Variants in CTNNA3 observed in about 807,000 individuals in gnomAD.
The protein encoded by CTNNA3 is catenin alpha 3.
Under a neutral mutation model 95.7 loss-of-function variants are expected in CTNNA3, and 76 were observed. The ratio of observed to expected loss-of-function variants is 0.79; its 90% CI spans 0.66 to 0.96. The LOEUF is 0.96. CTNNA3 is among the 40% of genes least tolerant of loss of function. The pLI, the probability that CTNNA3 is intolerant of heterozygous loss-of-function variation, is 0.00. For synonymous variants in CTNNA3, 431 were observed against 374.4 expected (o/e 1.15, Z -1.74); for missense variants, 1,191 against 1,089.8 (o/e 1.09, Z -1.31).
intron 7 of CTNNA3, among the ~76,000 whole-genome samples, chr10:66,945,482 A>C (rs1211358603): frequency 2.7e-4 from 41 of 152,158 alleles, no homozygotes; most frequent in Non-Finnish European, 5.9e-5. Flanking sequence ...TTTGACTTAA[A>C]GGGAATGTTG....
intron 7 of CTNNA3, among the ~76,000 whole-genome samples, chr10:66,902,687 C>T (rs539731927): frequency 9.9e-5 from 15 of 152,036 alleles, no homozygotes; most frequent in African/African-American, 2.7e-4. Flanking sequence ...CAATACAAAA[C>T]GATAAAATGG....
chr10:67,342,942 G>A (rs1029399479), intron 5 of CTNNA3, among the ~76,000 whole-genome samples: 11 of 151,468 alleles, frequency 7.3e-5, no homozygotes, highest in African/African-American at 2.4e-4. Flanking sequence ...TGGCTCTTTC[G>A]TGGTTCCACA....
chr10:66,871,058 T>A (rs564165278), intron 7 of CTNNA3, among the ~76,000 whole-genome samples: 2 of 152,238 alleles, frequency 1.3e-5, no homozygotes, highest in Non-Finnish European at 2.9e-5. Context: ...CTGGTTTGTT[T>A]TGCTCTGCTG....
intron 9 of CTNNA3, among the ~76,000 whole-genome samples, chr10:66,713,619 G>T (rs1220141616): frequency 1.3e-5 from 2 of 151,970 alleles, no homozygotes; most frequent in African/African-American, 4.8e-5. Flanking sequence ...CATCTTCCAG[G>T]TCCACCACAG....
chr10:66,134,132 A>G (rs1468235970), intron 13 of CTNNA3, among the ~76,000 whole-genome samples: 1 of 152,184 alleles, frequency 6.6e-6, no homozygotes, highest in African/African-American at 2.4e-5. Flanking sequence ...TAAAAAGCTA[A>G]TATCTCTAAA....
chr10:66,452,281 T>G (rs951651003), intron 11 of CTNNA3, among the ~76,000 whole-genome samples: 3 of 152,214 alleles, frequency 2.0e-5, no homozygotes, highest in Admixed American at 2.0e-4. Flanking sequence ...ATTAGACTTT[T>G]TGTCAAGGCA....
At chr10:66,187,101 C>A (rs770207518) in intron 13 of CTNNA3, among the ~76,000 whole-genome samples, 4 of 152,052 alleles carry the variant, frequency 2.6e-5, no homozygotes, top group Non-Finnish European at 5.9e-5. Flanking sequence ...AAATCTAATT[C>A]CCAAGCAACT....
At chr10:66,204,415 G>C (rs1314234633) in intron 13 of CTNNA3, among the ~76,000 whole-genome samples, 1 of 152,100 alleles carries the variant, frequency 6.6e-6, no homozygotes, top group Non-Finnish European at 1.5e-5. Context: ...TTATTTTACA[G>C]ATTAAAGAAC....
chr10:66,994,159 G>A lies in CTNNA3; in HGVS notation c.1047+186158C>T, dbSNP rs10997472. On this transcript the variant is annotated intron_variant, in intron 7 of 17. Coordinates refer to ENST00000433211, the MANE Select transcript of CTNNA3 (RefSeq NM_013266.4). ...TGCCATCACTATATTCTTATAGAAG[G>A]TCCCTCGTATAAAAACCAGTAAGTA... Among the ~76,000 whole-genome samples, 954 of 152,168 alleles carry A rather than the reference G, an allele frequency of 6.3e-3. 9 individuals carry two copies. The highest frequency in any genetic ancestry group is 0.022 in the African/African-American group (908 of 41,510).
At chr10:67,489,213 A>T (rs1163350806) in intron 5 of CTNNA3, among the ~76,000 whole-genome samples, 1 of 152,144 alleles carries the variant, frequency 6.6e-6, no homozygotes, top group Non-Finnish European at 1.5e-5. Context: ...TGTACCTAAG[A>T]TTTAAATTTC....
At chr10:66,258,144 A>C (rs1379135437) in intron 13 of CTNNA3, among the ~76,000 whole-genome samples, 1 of 151,998 alleles carries the variant, frequency 6.6e-6, no homozygotes, top group Non-Finnish European at 1.5e-5. Context: ...ACAGCAATCT[A>C]CTCCCTTATG....
intron 9 of CTNNA3, among the ~76,000 whole-genome samples, chr10:66,676,508 C>T (rs1020466861): frequency 4.6e-5 from 7 of 152,014 alleles, no homozygotes; most frequent in African/African-American, 1.7e-4. Context: ...CCTCTCTCTG[C>T]CTGGGATACT....
At chr10:66,147,358 A>G (rs1304173045) in intron 13 of CTNNA3, among the ~76,000 whole-genome samples, 1 of 152,154 alleles carries the variant, frequency 6.6e-6, no homozygotes, top group Non-Finnish European at 1.5e-5. Flanking sequence ...CAAAAGTTGC[A>G]AAGATTAAAA....
intron 11 of CTNNA3, among the ~76,000 whole-genome samples, chr10:66,452,743 C>A (rs12572563): frequency 0.12 from 17,827 of 152,064 alleles, 1,511 homozygotes; most frequent in African/African-American, 0.24. Flanking sequence ...TTAGGCCCTG[C>A]CTTCTGATGG....
At chr10:66,917,716 C>T (rs1297157101) in intron 7 of CTNNA3, among the ~76,000 whole-genome samples, 1 of 152,180 alleles carries the variant, frequency 6.6e-6, no homozygotes, top group Non-Finnish European at 1.5e-5. Flanking sequence ...TTTTAAAACA[C>T]ACCAGTGTAT....
At chr10:67,120,683 C>A (rs1859418362) in intron 7 of CTNNA3, among the ~76,000 whole-genome samples, 1 of 152,042 alleles carries the variant, frequency 6.6e-6, no homozygotes, top group Non-Finnish European at 1.5e-5. Context: ...ACAAAAACAT[C>A]TCACCTACTG....
intron 13 of CTNNA3, among the ~76,000 whole-genome samples, chr10:66,124,557 G>A (rs1191085853): frequency 3.3e-5 from 5 of 152,094 alleles, no homozygotes; most frequent in Non-Finnish European, 7.3e-5. Flanking sequence ...CACTGTACTG[G>A]TACCAATTTA....
intron 13 of CTNNA3, among the ~76,000 whole-genome samples, chr10:66,148,348 A>G (rs950006011): frequency 6.6e-6 from 1 of 152,094 alleles, no homozygotes; most frequent in Non-Finnish European, 1.5e-5. Flanking sequence ...AGTATCTACT[A>G]GTTTTTAAAA....
intron 13 of CTNNA3, among the ~76,000 whole-genome samples, chr10:66,197,386 T>A (rs2087036471): frequency 6.9e-6 from 1 of 145,758 alleles, no homozygotes; most frequent in South Asian, 2.3e-4. Flanking sequence ...ATCTATCATC[T>A]ATCTATCCAC....
Sources: gnomAD v4.1 joint callset for allele counts (sites outside exome capture counted in the v4.1 genomes callset) on GRCh38, gnomAD v4.1.1 for gene constraint, MANE v1.5 for transcripts, NCBI Gene and HGNC (gene_info 2026-07-23, HGNC 2026-07-21) for gene names.